Variants in CKAP5 observed in about 807,000 individuals in gnomAD.
The protein encoded by CKAP5 is cytoskeleton associated protein 5, also known as cytoskeleton-associated protein 5.
Under a neutral mutation model 232.8 loss-of-function variants are expected in CKAP5, and 27 were observed. The ratio of observed to expected loss-of-function variants is 0.12; its 90% CI spans 0.09 to 0.16. The LOEUF is 0.16. Ranked by LOEUF, CKAP5 falls within the 10% of genes least tolerant of loss-of-function variation. CKAP5 has a pLI of 1.00. For missense variants in CKAP5, 1,838 were observed against 2,424.7 expected (o/e 0.76, Z 5.08); for synonymous variants, 785 against 841.1 (o/e 0.93, Z 1.16).
In CKAP5 at chr11:46,762,205, G is replaced by C; in HGVS notation, c.4028-12C>G. The C allele has an allele frequency of 6.2e-7, 1 of 1,611,386 alleles. No individual in the cohort carries two copies. The highest frequency in any genetic ancestry group is 1.1e-5 in the South Asian group (1 of 90,896). ...CTCTTCCAGGCACTCTGATGGGGGA[G>C]AAAGGCTAGATTAATGAGACAACAC... is the stretch of plus-strand genomic sequence containing the variant. On this transcript the variant is annotated splice_polypyrimidine_tract_variant and intron_variant, in intron 31 of 43. Coordinates refer to ENST00000529230, the MANE Select transcript of CKAP5 (RefSeq NM_001008938.4).
chr11:46,762,045 C>T lies in CKAP5; in HGVS notation c.4176G>A (p.Thr1392=), dbSNP rs985241120. 25 of 1,614,000 alleles carry T rather than the reference C, an allele frequency of 1.5e-5. No homozygotes were observed. Among genetic ancestry groups the T allele is most frequent in the South Asian group, 4.4e-5 (4 of 91,064 alleles). The change falls in exon 32 of 44, where the codon ACG becomes ACA. Residue 1392 remains threonine (T), a synonymous_variant. Coordinates refer to ENST00000529230, the MANE Select transcript of CKAP5 (RefSeq NM_001008938.4). The part of the protein sequence containing the change: ...VRNAALNTIV[T]VYNVHGDQVF... ...CCTGATCCCCATGTACATTGTACACCGTTACAATGGTGTTGAGTGCAGCAT... is the reference window on the plus strand; with the variant it reads ...CCTGATCCCCATGTACATTGTACACTGTTACAATGGTGTTGAGTGCAGCAT...
chr11:46,792,493 C>T (rs1458775908), intron 13 of CKAP5, among the ~76,000 whole-genome samples: 1 of 151,776 alleles, frequency 6.6e-6, no homozygotes, highest in Non-Finnish European at 1.5e-5. Context: ...GCAGAGGTTG[C>T]AGTGAGATGA....
rs757640017 is a variant in CKAP5 at position 46,770,029 on chromosome 11, G to C, written c.3256C>G (p.Pro1086Ala). Residue 1086 changes from proline (P) to alanine (A), a missense_variant, in exon 26 of 44, where the codon CCA becomes GCA. Pro to Ala is a conservative substitution (Grantham distance 27, BLOSUM62 -1). This residue lies in a region of CKAP5 where 767 missense variants were observed against 954.6 expected (regional missense o/e 0.80). Coordinates refer to ENST00000529230, the MANE Select transcript of CKAP5 (RefSeq NM_001008938.4). ...AKVNMPAKPAPPTKATSKPMG... is the reference protein window; with the variant it reads ...AKVNMPAKPAAPTKATSKPMG... ...GGTTTAGAAGTTGCTTTAGTGGGTG[G>C]AGCAGGCTTGGCTGGCATGTTAACT... The C allele has an allele frequency of 6.2e-7, 1 of 1,614,114 alleles. No individual in the cohort carries two copies. Among genetic ancestry groups the C allele is most frequent in the Admixed American group, 1.7e-5 (1 of 60,028 alleles).
At chr11:46,809,906 C>G (rs1231892863) in intron 5 of CKAP5, 32 bp from the exon 6 acceptor site, 3 of 1,576,124 alleles carry the variant, frequency 1.9e-6, no homozygotes, top group African/African-American at 2.7e-5. Context: ...TAAATAATAT[C>G]TGCATCTCCA....
rs1020009273 is a variant in CKAP5 at position 46,762,819 on chromosome 11, TC to T, written c.3892-58del. The T allele has an allele frequency of 2.6e-6, 4 of 1,552,978 alleles. No individual in the cohort carries two copies. In the African/African-American group the frequency reaches 5.4e-5, roughly 21 times the overall value. ...GGCATTTCCTAAGTAGCAATGATTC[TC>T]CCATGCATTACTATGTTTTGAAAGA... On this transcript the variant is annotated intron_variant, in intron 30 of 43. Transcript: ENST00000529230.
chr11:46,764,419 A>G (rs550133779), intron 28 of CKAP5, among the ~76,000 whole-genome samples: 13 of 152,326 alleles, frequency 8.5e-5, no homozygotes, highest in Non-Finnish European at 1.6e-4. Context: ...CATACATACA[A>G]TGCACCAATA....
chr11:46,754,076 G>A (rs546240014), intron 36 of CKAP5, among the ~76,000 whole-genome samples: 1 of 151,688 alleles, frequency 6.6e-6, no homozygotes, highest in East Asian at 2.0e-4. Context: ...TCGGCTCACT[G>A]AAAGCTCCGC....
chr11:46,845,442 C>T (rs1299091459), intron 1 of CKAP5, among the ~76,000 whole-genome samples: 1 of 152,210 alleles, frequency 6.6e-6, no homozygotes, highest in Non-Finnish European at 1.5e-5. Context: ...TGGCAACAAC[C>T]CTTTCATCAT....
intron 9 of CKAP5, 54 bp downstream of exon 9, chr11:46,801,146 C>T: frequency 7.8e-7 from 1 of 1,287,288 alleles, no homozygotes; most frequent in Non-Finnish European, 1.1e-6. Flanking sequence ...CAAACTAGGC[C>T]TACCATTTTT....
At chr11:46,782,741 C>T (rs1053930905) in intron 18 of CKAP5, among the ~76,000 whole-genome samples, 1 of 152,126 alleles carries the variant, frequency 6.6e-6, no homozygotes. Flanking sequence ...TATAATACCT[C>T]GCTTAGTTGT....
intron 42 of CKAP5, among the ~76,000 whole-genome samples, chr11:46,746,567 T>A (rs1447530973): frequency 6.6e-6 from 1 of 152,212 alleles, no homozygotes; most frequent in African/African-American, 2.4e-5. Context: ...TAGGCAATGT[T>A]AACACAAAGT....
chr11:46,770,276 A>C, intron 25 of CKAP5, 178 bp from the exon 26 acceptor site: 2 of 641,760 alleles, frequency 3.1e-6, no homozygotes, highest in South Asian at 3.9e-5. Flanking sequence ...AGTCACACTA[A>C]GGTAGGTATC....
chr11:46,777,399 T>C (rs758218230), intron 23 of CKAP5, 40 bp downstream of exon 23: 1 of 1,265,212 alleles, frequency 7.9e-7, no homozygotes. Context: ...ATGGCTGGCC[T>C]ATTCCAGAAT....
At chr11:46,769,831 T>TA in intron 26 of CKAP5, 132 bp downstream of exon 26, 1 of 982,994 alleles carries the variant, frequency 1.0e-6, no homozygotes, top group Admixed American at 2.4e-5. Flanking sequence ...GAAAGGAAAG[T>TA]AAGCAGAGAA....
At position 46,750,330 on chromosome 11, in the gene CKAP5, C is replaced by T; in HGVS notation, c.5648G>A (p.Gly1883Asp). Reference protein sequence around the residue: ...SQFFQSYVERGLRVIEMEREG... With the variant: ...SQFFQSYVERDLRVIEMEREG... ...CCTCTCCATCTCAATCACCCGAAGG[C>T]CTCTTTCGACATAGCTCTGGAAGAA... The change falls in exon 42 of 44, where the codon GGC becomes GAC. Residue 1883 changes from glycine (G) to aspartate (D), a missense_variant. Transcript: ENST00000529230. 6.2e-7 allele frequency: 1 copy of T among 1,614,156 alleles called. No homozygotes were observed. The highest frequency in any genetic ancestry group is 8.5e-7 in the Non-Finnish European group (1 of 1,180,006).
intron 16 of CKAP5, 43 bp downstream of exon 16, chr11:46,788,638 A>C: frequency 8.7e-7 from 1 of 1,145,634 alleles, no homozygotes; most frequent in Non-Finnish European, 1.3e-6. Context: ...ATGTAATGTA[A>C]ATTACTTCAA....
At chr11:46,788,367 G>C (rs1409250000) in intron 16 of CKAP5, among the ~76,000 whole-genome samples, 1 of 152,220 alleles carries the variant, frequency 6.6e-6, no homozygotes, top group Non-Finnish European at 1.5e-5. Flanking sequence ...CTGAGGTCAG[G>C]AGTTCGAGAC....
At chr11:46,780,362 G>A (rs1359134536) in intron 19 of CKAP5, 43 bp from the exon 20 acceptor site, 2 of 1,613,512 alleles carry the variant, frequency 1.2e-6, no homozygotes, top group Non-Finnish European at 1.7e-6. Flanking sequence ...CACAAAGATG[G>A]CAATAATAAC....
chr11:46,836,537 A>AC (rs1267413833), intron 1 of CKAP5, among the ~76,000 whole-genome samples: 4 of 152,088 alleles, frequency 2.6e-5, no homozygotes, highest in African/African-American at 9.7e-5. Flanking sequence ...ACACAGTGAG[A>AC]CCCCATCTCT....
Sources: allele counts gnomAD v4.1 joint callset (sites outside exome capture counted in the v4.1 genomes callset), GRCh38; gene constraint gnomAD v4.1.1; regional missense constraint gnomAD v4.1.1; transcripts MANE v1.5; gene names NCBI Gene and HGNC (gene_info 2026-07-23, HGNC 2026-07-21).